The following SCO1 variants were observed in gnomAD, a reference collection of about 807,000 sequenced individuals.
SCO1 encodes the protein synthesis of cytochrome C oxidase 1.
SCO1 carries 23 observed loss-of-function variants against 34.0 expected under a neutral mutation model. The ratio of observed to expected loss-of-function variants is 0.68; its 90% CI spans 0.49 to 0.96. SCO1 has a LOEUF of 0.96. Among genes scored for constraint, SCO1 ranks in the 40% least tolerant of loss-of-function variants. SCO1 has a pLI of 0.00. For synonymous variants in SCO1, 161 were observed against 145.5 expected, an observed-to-expected ratio of 1.11 and a Z score of -0.77; for missense variants, 404 against 381.6, an observed-to-expected ratio of 1.06 and a Z score of -0.49.
chr17:10,691,849 T>A (rs748904287), intron 4 of SCO1, 23 bp downstream of exon 4: 4 of 1,484,728 alleles, frequency 2.7e-6, no homozygotes, highest in Admixed American at 3.3e-5. Flanking sequence ...TAAATAAATG[T>A]AAAGTATTAT....
intron 3 of SCO1, 128 bp downstream of exon 3, chr17:10,692,636 T>TGCTG (rs1308697209): frequency 5.1e-6 from 4 of 779,794 alleles, no homozygotes; most frequent in Admixed American, 2.1e-5. Context: ...ACAAGCCAAA[T>TGCTG]GCTGAGATTT....
Position 10,677,535 on chromosome 17 carries a change from A to C in SCO1, c.*3584T>G, listed in dbSNP as rs1470806898. The C allele has an allele frequency of 1.3e-5, 2 of 152,186 alleles. No homozygotes were observed. The highest frequency in any genetic ancestry group is 2.1e-4 in the South Asian group (1 of 4,826). 9.4% of individuals were successfully genotyped at this position (152,186 alleles called of 1,614,324 possible). ...TTAAACATAAATTTAAGAACAATAA[A>C]AGCTATTTTAAAGGATCTTATGCAG... On this transcript the variant is annotated 3_prime_UTR_variant, in exon 6 of 6. Transcript: ENST00000255390.
chr17:10,680,789 GAGGGCC>G lies in SCO1; in HGVS notation c.*324_*329del. On this transcript the variant is annotated 3_prime_UTR_variant, in exon 6 of 6. Transcript: ENST00000255390. Reference sequence around the variant, plus strand: ...GATGGAGAGGCGGCAAAGCTGCTGGGAGGGCCTGTTCGCAGGCAGGAATGCACTGGC... The same window carrying G: ...GATGGAGAGGCGGCAAAGCTGCTGGGTGTTCGCAGGCAGGAATGCACTGGC... The G allele has an allele frequency of 2.5e-6, 1 of 398,160 alleles. No homozygotes were observed. The highest frequency in any genetic ancestry group is 2.4e-5 in the South Asian group (1 of 40,884). 24.7% of individuals were successfully genotyped at this position (398,160 alleles called of 1,614,324 possible). A position where few individuals can be genotyped will look rare whatever the true frequency, so the allele number is the denominator to read the frequency against.
rs994437232 is a variant in SCO1, at chr17:10,680,961, G to T, written c.*158C>A. 2.1e-5 allele frequency: 19 copies of T among 888,714 alleles called. No individual in the cohort carries two copies. Among genetic ancestry groups the T allele is most frequent in the Non-Finnish European group, 1.8e-6 (1 of 553,462 alleles). 55.1% of individuals were successfully genotyped at this position (888,714 alleles called of 1,614,324 possible). On this transcript the variant is annotated 3_prime_UTR_variant, in exon 6 of 6. Transcript: ENST00000255390. Reference sequence around the variant, plus strand: ...TTCCAAGAATCAATTTTGGTTGAACGCAAGGGTAACATCCCCATCCAAAAC... The same window carrying T: ...TTCCAAGAATCAATTTTGGTTGAACTCAAGGGTAACATCCCCATCCAAAAC...
In SCO1 at chr17:10,677,624, C is replaced by A. The variant is rs1171391590; in HGVS notation, c.*3495G>T. ...CATATTTTACTGGTAGTCAGTAAATCTCACCTCTTACACTTAAGATATCAG... is the reference window on the plus strand; with the variant it reads ...CATATTTTACTGGTAGTCAGTAAATATCACCTCTTACACTTAAGATATCAG... On this transcript the variant is annotated 3_prime_UTR_variant, in exon 6 of 6. Coordinates refer to ENST00000255390, the MANE Select transcript of SCO1 (RefSeq NM_004589.4). 6.6e-6 allele frequency: 1 copy of A among 152,178 alleles called. No individual in the cohort carries two copies. Among genetic ancestry groups the A allele is most frequent in the East Asian group, 1.9e-4 (1 of 5,198 alleles). 9.4% of individuals were successfully genotyped at this position (152,178 alleles called of 1,614,324 possible). A position where few individuals can be genotyped will look rare whatever the true frequency, so the allele number is the denominator to read the frequency against.
In SCO1 at chr17:10,689,026, G is replaced by C. The variant is rs2074674161; in HGVS notation, c.656-2184C>G. Among the ~76,000 whole-genome samples the C allele has an allele frequency of 2.8e-5, 4 of 143,342 alleles. No homozygotes were observed. In the South Asian group the frequency reaches 8.4e-4, roughly 30 times the overall value. The allele number at this position is 143,342 out of a possible 152,430, so 94.0% of individuals were successfully genotyped here. On this transcript the variant is annotated intron_variant, in intron 4 of 5. Coordinates refer to ENST00000255390, the MANE Select transcript of SCO1 (RefSeq NM_004589.4). ...AGCTACTTGGGAGGCTGAGGCAGGA[G>C]AATGGCGTGAACCCGGGAGGCGGAG... is the stretch of plus-strand genomic sequence containing the variant.
chr17:10,695,350 A>T (rs1339480660), intron 2 of SCO1, among the ~76,000 whole-genome samples: 1 of 152,120 alleles, frequency 6.6e-6, no homozygotes, highest in Admixed American at 6.6e-5. Flanking sequence ...ACTACATCTT[A>T]CTCATCTTCG....
At chr17:10,689,245 T>A (rs998326354) in intron 4 of SCO1, among the ~76,000 whole-genome samples, 1 of 152,050 alleles carries the variant, frequency 6.6e-6, no homozygotes, top group African/African-American at 2.4e-5. Flanking sequence ...GACTGTGGGA[T>A]GGTTTCAGTT....
At chr17:10,689,347 C>T (rs959894643) in intron 4 of SCO1, among the ~76,000 whole-genome samples, 7 of 152,154 alleles carry the variant, frequency 4.6e-5, no homozygotes, top group African/African-American at 1.7e-4. Flanking sequence ...ATTACACATA[C>T]AGCAGATCCT....
chr17:10,675,203 A>G lies in SCO1; in HGVS notation c.*5916T>C, dbSNP rs1457577532. On this transcript the variant is annotated 3_prime_UTR_variant, in exon 6 of 6. Transcript: ENST00000255390. The stretch of plus-strand genomic sequence containing the variant: ...CTGTCTCTGGGGCCTAAGTGTGGCT[A>G]CTCTGCTCTGCCACACCACACCTGA... The G allele has an allele frequency of 2.0e-5, 3 of 151,778 alleles. No individual in the cohort carries two copies. Among genetic ancestry groups the G allele is most frequent in the Non-Finnish European group, 4.4e-5 (3 of 67,968 alleles). 9.4% of individuals were successfully genotyped at this position (151,778 alleles called of 1,614,324 possible).
rs2074575588 is a variant in SCO1, at chr17:10,675,616, C to T, written c.*5503G>A. 1 of 152,164 alleles carries T rather than the reference C, an allele frequency of 6.6e-6. No homozygotes were observed. Among genetic ancestry groups the T allele is most frequent in the African/African-American group, 2.4e-5 (1 of 41,426 alleles). 9.4% of individuals were successfully genotyped at this position (152,164 alleles called of 1,614,324 possible). ...CTGGCACCCCCTTCTGAATTACTAA[C>T]CATCTCACCTCCTGCCAGAGTTAAG... On this transcript the variant is annotated 3_prime_UTR_variant, in exon 6 of 6. Transcript: ENST00000255390.
chr17:10,689,321 A>G (rs981254872), intron 4 of SCO1, among the ~76,000 whole-genome samples: 6 of 152,352 alleles, frequency 3.9e-5, no homozygotes, highest in African/African-American at 1.4e-4. Flanking sequence ...ATACCTTAAT[A>G]AATGTGTTAA....
intron 4 of SCO1, among the ~76,000 whole-genome samples, chr17:10,688,228 G>C (rs1424548412): frequency 6.6e-6 from 1 of 152,188 alleles, no homozygotes; most frequent in African/African-American, 2.4e-5. Context: ...ACGAGCCACA[G>C]ACTGGCAGAA....
rs114501908 is a variant in SCO1, at chr17:10,695,015, C to A, written c.364+726G>T. Among the ~76,000 whole-genome samples the A allele has an allele frequency of 7.7e-3, 1,180 of 152,264 alleles. 19 individuals are homozygous for A. The highest frequency in any genetic ancestry group is 0.027 in the African/African-American group (1,132 of 41,548). On this transcript the variant is annotated intron_variant, in intron 2 of 5. Transcript: ENST00000255390. ...TAAAGATTTACCTAAAACCTCTAAA[C>A]CAAATCTTAAAAGTCCTAGGATATT...
At chr17:10,691,036 G>C (rs934577715) in intron 4 of SCO1, among the ~76,000 whole-genome samples, 1 of 152,168 alleles carries the variant, frequency 6.6e-6, no homozygotes, top group Non-Finnish European at 1.5e-5. Flanking sequence ...GGCTGGAAAG[G>C]GTTGGGGAGG....
chr17:10,697,275 T>G lies in SCO1; in HGVS notation c.233A>C (p.Gln78Pro), dbSNP rs1342846995. The change falls in exon 1 of 6, where the codon CAG (glutamine) becomes CCG (proline). Residue 78 changes from glutamine to proline, a missense_variant. Transcript: ENST00000255390. Reference sequence around the variant, plus strand: ...GCGCGTGGAGTCTCCGGGGCCCTTCTGCGACCACGGGGGTGGCGGCCTCGC... The same window carrying G: ...GCGCGTGGAGTCTCCGGGGCCCTTCGGCGACCACGGGGGTGGCGGCCTCGC... ...STARPPPPWS[Q>P]KGPGDSTRPS... 6.4e-7 allele frequency: 1 copy of G among 1,567,370 alleles called. No individual in the cohort carries two copies. Among genetic ancestry groups the G allele is most frequent in the South Asian group, 1.2e-5 (1 of 85,742 alleles).
chr17:10,697,239 G>C lies in SCO1; in HGVS notation c.269C>G (p.Pro90Arg), dbSNP rs533399314. 9 of 1,554,676 alleles carry C rather than the reference G, an allele frequency of 5.8e-6. No individual in the cohort carries two copies. In the East Asian group the frequency reaches 1.9e-4, roughly 32 times the overall value. The change falls in exon 1 of 6, where the codon CCC becomes CGC. Residue 90 changes from proline (P) to arginine (R), a missense_variant. Physicochemically the swap from Pro to Arg is moderately radical, Grantham distance 103 (BLOSUM62 -2). Transcript: ENST00000255390. ...GGGTTCCAGGTGTGCACTCACCCCG[G>C]GCTTCGAGGGGCGCGTGGAGTCTCC... ...GPGDSTRPSKPGPVSWKSLAI... is the reference protein window; with the variant it reads ...GPGDSTRPSKRGPVSWKSLAI...
Position 10,697,091 on chromosome 17 carries a change from T to C in SCO1, c.273+144A>G, listed in dbSNP as rs902878717. ...AGGCACGGGAAATGTAGGATGAAAT[T>C]CCATGACCCAGGTAAGGCGCGCAAG... On this transcript the variant is annotated intron_variant, in intron 1 of 5. Coordinates refer to ENST00000255390, the MANE Select transcript of SCO1 (RefSeq NM_004589.4). 8 of 770,012 alleles carry C rather than the reference T, an allele frequency of 1.0e-5. No individual in the cohort carries two copies. In the Admixed American group the frequency reaches 1.2e-4, roughly 11 times the overall value. The allele number at this position is 770,012 out of a possible 1,614,324, so 47.7% of individuals were successfully genotyped here.
intron 5 of SCO1, among the ~76,000 whole-genome samples, chr17:10,682,856 T>C (rs967004665): frequency 6.6e-6 from 1 of 152,206 alleles, no homozygotes; most frequent in Admixed American, 6.5e-5. Context: ...TCAAATGATA[T>C]CACAGGCTGG....
Sources: gnomAD v4.1 joint callset for allele counts (sites outside exome capture counted in the v4.1 genomes callset) on GRCh38, gnomAD v4.1.1 for gene constraint, MANE v1.5 for transcripts, NCBI Gene and HGNC (gene_info 2026-07-23, HGNC 2026-07-21) for gene names.